Variants in SEPTIN9 observed in about 807,000 individuals in gnomAD.
The protein encoded by SEPTIN9 is septin 9, also known as septin-9.
SEPTIN9 carries 13 observed loss-of-function variants against 56.6 expected under a neutral mutation model. That is an observed-to-expected ratio of 0.23 (90% CI 0.15 to 0.37). The LOEUF (loss-of-function observed/expected upper bound fraction) is 0.37, where lower values mean the gene tolerates loss of function less well. Among genes scored for constraint, SEPTIN9 ranks in the 10% least tolerant of loss-of-function variants. The probability of loss-of-function intolerance (pLI) is 1.00; values close to 1 mark genes in which losing one functional copy is unlikely to be tolerated. For synonymous variants in SEPTIN9, 332 were observed against 334.1 expected, an observed-to-expected ratio of 0.99 and a Z score of 0.07; for missense variants, 650 against 823.1, an observed-to-expected ratio of 0.79 and a Z score of 2.57.
chr17:77,493,367 A>G, intron 10 of SEPTIN9: 1 of 460,990 alleles, frequency 2.2e-6, no homozygotes, highest in Non-Finnish European at 4.0e-6. Context: ...AGGCTCTTTC[A>G]TAGGCACCTG....
intron 2 of SEPTIN9, among the ~76,000 whole-genome samples, chr17:77,335,438 C>T (rs34433472): frequency 3.4e-4 from 44 of 129,464 alleles, no homozygotes; most frequent in Middle Eastern, 0.012. Context: ...ATGTAGGCCC[C>T]ATGTTGACTG....
intron 2 of SEPTIN9, among the ~76,000 whole-genome samples, chr17:77,360,812 C>T (rs1413335860): frequency 1.3e-5 from 2 of 152,116 alleles, no homozygotes; most frequent in East Asian, 3.9e-4. Flanking sequence ...AATCTGCCCT[C>T]CTCGGCCTCC....
At chr17:77,360,369 C>T (rs561777127) in intron 2 of SEPTIN9, among the ~76,000 whole-genome samples, 3 of 152,298 alleles carry the variant, frequency 2.0e-5, no homozygotes, top group African/African-American at 7.2e-5. Context: ...GAAGAATAAG[C>T]CGTAGCTGCC....
intron 2 of SEPTIN9, among the ~76,000 whole-genome samples, chr17:77,334,992 CTGTA>C (rs2033488779): frequency 6.6e-6 from 1 of 152,054 alleles, no homozygotes; most frequent in South Asian, 2.1e-4. Flanking sequence ...CCTGTGTTGA[CTGTA>C]TGTGTGGTCC....
At chr17:77,336,419 A>G (rs2033555912) in intron 2 of SEPTIN9, among the ~76,000 whole-genome samples, 1 of 152,172 alleles carries the variant, frequency 6.6e-6, no homozygotes. Flanking sequence ...TACTGAAAAA[A>G]AATCTCTACA....
At position 77,356,225 on chromosome 17, in the gene SEPTIN9, A is replaced by G. The variant is rs373383454; in HGVS notation, c.77-45834A>G. On this transcript the variant is annotated intron_variant, in intron 2 of 11. Coordinates refer to ENST00000427177, the MANE Select transcript of SEPTIN9 (RefSeq NM_001113491.2). ...ATCCTACAGACACTGCCTGGTGCCC[A>G]GCCCGCACCGCGAGGCTTCCTAAGC... Among the ~76,000 whole-genome samples, 14 of 152,256 alleles carry G rather than the reference A, an allele frequency of 9.2e-5. No individual in the cohort carries two copies. The South Asian group carries it at 1.0e-3, about 11-fold the overall frequency.
Position 77,499,852 on chromosome 17 carries a change from C to T in SEPTIN9, c.*1194C>T, listed in dbSNP as rs2040431399. 2 of 300,186 alleles carry T rather than the reference C, an allele frequency of 6.7e-6. No homozygotes were observed. Among genetic ancestry groups the T allele is most frequent in the South Asian group, 1.2e-4 (2 of 16,310 alleles). The allele number at this position is 300,186 out of a possible 1,614,324, so 18.6% of individuals were successfully genotyped here. On this transcript the variant is annotated 3_prime_UTR_variant, in exon 12 of 12. Transcript: ENST00000427177. Reference sequence around the variant, plus strand: ...ATCTACCCGTGCCTGGGCCCCTCCCCTCAGAGCCCATGGTAACGAACCCCT... The same window carrying T: ...ATCTACCCGTGCCTGGGCCCCTCCCTTCAGAGCCCATGGTAACGAACCCCT...
chr17:77,287,993 G>A, intron 1 of SEPTIN9: 3 of 1,058,480 alleles, frequency 2.8e-6, no homozygotes, highest in Non-Finnish European at 2.3e-6. Context: ...AGTGGCCTTT[G>A]TGTCTGGGTG....
In SEPTIN9 at chr17:77,475,723, A is replaced by G. The variant is rs2143110542; in HGVS notation, c.722-6421A>G. ...GAGGCAAGGAAGTCTTCGCCGGGGC[A>G]AGGGCACCAGCTGTAGATGCCGGCA... On this transcript the variant is annotated intron_variant, in intron 3 of 11. Coordinates refer to ENST00000427177, the MANE Select transcript of SEPTIN9 (RefSeq NM_001113491.2). The surrounding 1 kb of genome is among the most constrained non-coding windows in gnomAD (Gnocchi z 4.6). The G allele has an allele frequency of 6.2e-7, 1 of 1,613,342 alleles. No homozygotes were observed. Among genetic ancestry groups the G allele is most frequent in the African/African-American group, 1.3e-5 (1 of 75,048 alleles).
chr17:77,363,238 G>A (rs1292833809), intron 2 of SEPTIN9, among the ~76,000 whole-genome samples: 1 of 152,210 alleles, frequency 6.6e-6, no homozygotes, highest in Non-Finnish European at 1.5e-5. Context: ...GCTAGAGCCA[G>A]GAGCTAGTGG....
chr17:77,402,232 C>A lies in SEPTIN9; in HGVS notation c.250C>A (p.Arg84Ser), dbSNP rs770806810. 22 of 1,613,508 alleles carry A rather than the reference C, an allele frequency of 1.4e-5. No individual in the cohort carries two copies. The highest frequency in any genetic ancestry group is 1.5e-5 in the Non-Finnish European group (18 of 1,179,876). The change falls in exon 3 of 12, where the codon CGC becomes AGC. Residue 84 changes from arginine (R) to serine (S), a missense_variant. Physicochemically the swap from Arg to Ser is moderately radical, Grantham distance 110. Around this residue, in one of 2 missense-constraint regions of SEPTIN9, gnomAD observed 317 missense variants for 329.1 expected, o/e 0.96. Coordinates refer to ENST00000427177, the MANE Select transcript of SEPTIN9 (RefSeq NM_001113491.2). This position sits in a 1 kb window ranked among gnomAD's most constrained non-coding sequence, Gnocchi z 6.6. ...SARHVDSLSQRSPKASLRRVE... is the reference protein window; with the variant it reads ...SARHVDSLSQSSPKASLRRVE... ...CCGCCATGTGGACTCCCTAAGCCAA[C>A]GCTCCCCCAAGGCGTCCCTGCGGAG...
intron 2 of SEPTIN9, among the ~76,000 whole-genome samples, chr17:77,394,034 T>A (rs2035626617): frequency 6.6e-6 from 1 of 152,186 alleles, no homozygotes; most frequent in Admixed American, 6.5e-5. Flanking sequence ...TGCAGGCCCA[T>A]ACGTCCTGTC....
At chr17:77,363,568 A>T (rs1431600768) in intron 2 of SEPTIN9, among the ~76,000 whole-genome samples, 1 of 151,450 alleles carries the variant, frequency 6.6e-6, no homozygotes, top group Non-Finnish European at 1.5e-5. Context: ...TTGTATTTTT[A>T]GTAGAGATGG....
rs541995179 is a variant in SEPTIN9 at position 77,449,956 on chromosome 17, T to C, written c.722-32188T>C. On this transcript the variant is annotated intron_variant, in intron 3 of 11. Transcript: ENST00000427177. This position sits in a 1 kb window ranked among gnomAD's most constrained non-coding sequence, Gnocchi z 4.6. Reference sequence around the variant, plus strand: ...AGGCCCAGGGCCTTGGATTTCAGTGTTTGACTCAGAACCCAGGTCTCTGAT... The same window carrying C: ...AGGCCCAGGGCCTTGGATTTCAGTGCTTGACTCAGAACCCAGGTCTCTGAT... Among the ~76,000 whole-genome samples the C allele has an allele frequency of 6.6e-6, 1 of 152,240 alleles. No individual in the cohort carries two copies. Among genetic ancestry groups the C allele is most frequent in the African/African-American group, 2.4e-5 (1 of 41,544 alleles).
rs1339197403 is a variant in SEPTIN9, at chr17:77,400,373, G to A, written c.77-1686G>A. Among the ~76,000 whole-genome samples, 1 of 152,174 alleles carries A rather than the reference G, an allele frequency of 6.6e-6. No homozygotes were observed. Among genetic ancestry groups the A allele is most frequent in the Admixed American group, 6.5e-5 (1 of 15,278 alleles). On this transcript the variant is annotated intron_variant, in intron 2 of 11. Coordinates refer to ENST00000427177, the MANE Select transcript of SEPTIN9 (RefSeq NM_001113491.2). This position sits in a 1 kb window ranked among gnomAD's most constrained non-coding sequence, Gnocchi z 4.1. ...CTGTGACAACTGAGAGTTCTCTGGA[G>A]TCCACACGGCTCCTTGCCCAGCTTC... is the stretch of plus-strand genomic sequence containing the variant.
chr17:77,422,173 C>T (rs2036728255), intron 3 of SEPTIN9, among the ~76,000 whole-genome samples: 1 of 152,208 alleles, frequency 6.6e-6, no homozygotes, highest in Admixed American at 6.5e-5. Context: ...TTTCCTTTAA[C>T]CCTTCCTGGC....
intron 3 of SEPTIN9, among the ~76,000 whole-genome samples, chr17:77,439,998 C>A (rs947945024): frequency 2.0e-5 from 3 of 152,146 alleles, no homozygotes; most frequent in Non-Finnish European, 4.4e-5. Context: ...ACCCCAGGTC[C>A]CCTGATGCTG....
At chr17:77,393,476 A>AT (rs2035608321) in intron 2 of SEPTIN9, among the ~76,000 whole-genome samples, 1 of 152,122 alleles carries the variant, frequency 6.6e-6, no homozygotes, top group Admixed American at 6.5e-5. Flanking sequence ...GTGACCACAC[A>AT]TTTCAGCATG....
chr17:77,352,483 C>G (rs202006401), intron 2 of SEPTIN9, among the ~76,000 whole-genome samples: 1 of 152,138 alleles, frequency 6.6e-6, no homozygotes, highest in African/African-American at 2.4e-5. Context: ...AATCCCAGAC[C>G]GAGGTGTCTG....
Sources: gnomAD v4.1 joint callset for allele counts (sites outside exome capture counted in the v4.1 genomes callset) on GRCh38, gnomAD v4.1.1 for gene constraint, gnomAD v4.1.1 regional missense constraint, Gnocchi (gnomAD v3.1) non-coding constraint, MANE v1.5 for transcripts, NCBI Gene and HGNC (gene_info 2026-07-23, HGNC 2026-07-21) for gene names.